ZFPM2: variants seen among roughly 807,000 people sequenced by gnomAD.
ZFPM2 encodes the protein zinc finger protein ZFPM2.
ZFPM2 carries 20 observed loss-of-function variants against 98.6 expected under a neutral mutation model. The observed-to-expected ratio is 0.20, with a 90% CI of 0.14 to 0.29. ZFPM2 has a LOEUF of 0.29. ZFPM2 is among the 10% of genes least tolerant of loss of function. The probability of loss-of-function intolerance (pLI) is 1.00; values close to 1 mark genes in which losing one functional copy is unlikely to be tolerated. For synonymous variants in ZFPM2, 518 were observed against 502.7 expected (o/e 1.03, Z -0.41); for missense variants, 1,310 against 1,388.6 (o/e 0.94, Z 0.90).
At chr8:105,681,393 A>G (rs954341002) in intron 5 of ZFPM2, among the ~76,000 whole-genome samples, 2 of 152,180 alleles carry the variant, frequency 1.3e-5, no homozygotes, top group African/African-American at 4.8e-5. Flanking sequence ...TTCTGATGAC[A>G]TTCTTTGTAG....
chr8:105,514,000 T>G (rs1301392482), intron 3 of ZFPM2, among the ~76,000 whole-genome samples: 1 of 123,164 alleles, frequency 8.1e-6, no homozygotes, highest in African/African-American at 4.5e-5. Flanking sequence ...AGGTCCGGAG[T>G]GTCTTTTTTT....
intron 5 of ZFPM2, among the ~76,000 whole-genome samples, chr8:105,714,398 A>G (rs189161666): frequency 2.0e-5 from 3 of 152,144 alleles, no homozygotes; most frequent in East Asian, 1.9e-4. Context: ...GCATAGAATC[A>G]TATCCTCCAC....
intron 1 of ZFPM2, among the ~76,000 whole-genome samples, chr8:105,357,542 A>G (rs1304295503): frequency 6.6e-6 from 1 of 152,240 alleles, no homozygotes; most frequent in Non-Finnish European, 1.5e-5. Context: ...ATAACTAGCT[A>G]CAGAGATGAA....
At chr8:105,621,288 A>T (rs559294876) in intron 4 of ZFPM2, among the ~76,000 whole-genome samples, 1 of 152,274 alleles carries the variant, frequency 6.6e-6, no homozygotes, top group African/African-American at 2.4e-5. Flanking sequence ...TCTTTGAAGC[A>T]ATTGTGAATG....
At chr8:105,393,336 G>A (rs1354910338) in intron 1 of ZFPM2, among the ~76,000 whole-genome samples, 5 of 34,156 alleles carry the variant, frequency 1.5e-4, no homozygotes, top group Admixed American at 3.4e-4. Context: ...CTCTCTCTTT[G>A]CCTTTCTTTC....
rs1454223470 is a variant in ZFPM2 at position 105,748,467 on chromosome 8, C to A, written c.533-40251C>A. On this transcript the variant is annotated intron_variant, in intron 5 of 7. Coordinates refer to ENST00000407775, the MANE Select transcript of ZFPM2 (RefSeq NM_012082.4). ...GTAAACCGTAAATGAAGCATGTATACATTTGCATTCCCTGTGCCTAAAATT... is the reference window on the plus strand; with the variant it reads ...GTAAACCGTAAATGAAGCATGTATAAATTTGCATTCCCTGTGCCTAAAATT... Among the ~76,000 whole-genome samples, 3 of 152,012 alleles carry A rather than the reference C, an allele frequency of 2.0e-5. No individual in the cohort carries two copies. The East Asian group carries it at 5.8e-4, about 29-fold the overall frequency.
chr8:105,384,111 C>T (rs1373455649), intron 1 of ZFPM2, among the ~76,000 whole-genome samples: 1 of 152,152 alleles, frequency 6.6e-6, no homozygotes, highest in African/African-American at 2.4e-5. Flanking sequence ...ACTGTAGACA[C>T]AATCCCGTGG....
intron 4 of ZFPM2, among the ~76,000 whole-genome samples, chr8:105,594,272 C>T (rs1815915865): frequency 6.6e-6 from 1 of 152,038 alleles, no homozygotes; most frequent in Admixed American, 6.6e-5. Flanking sequence ...CGTGTTGTCC[C>T]AGTAGCTCAA....
rs549937007 is a variant in ZFPM2 at position 105,419,274 on chromosome 8, C to T, written c.171C>T (p.Cys57=). The T allele has an allele frequency of 1.7e-5, 27 of 1,613,164 alleles. No individual in the cohort carries two copies. The highest frequency in any genetic ancestry group is 4.5e-5 in the East Asian group (2 of 44,810). ...STEFGPENLS[C]EEVEYFCNKG... is the part of the protein sequence containing the mutation. ...AATTTGGGCCTGAAAATCTGAGCTGCGAAGAAGTGGAATACTTTTGTAACA... is the reference window on the plus strand; with the variant it reads ...AATTTGGGCCTGAAAATCTGAGCTGTGAAGAAGTGGAATACTTTTGTAACA... The change falls in exon 2 of 8, where the codon TGC becomes TGT. Residue 57 remains cysteine (C), a synonymous_variant. Transcript: ENST00000407775.
At chr8:105,607,563 G>A (rs1816221217) in intron 4 of ZFPM2, among the ~76,000 whole-genome samples, 1 of 152,028 alleles carries the variant, frequency 6.6e-6, no homozygotes, top group Admixed American at 6.6e-5. Flanking sequence ...GTGGCAAGAA[G>A]TATAACTCCA....
At chr8:105,668,486 G>C (rs1384129091) in intron 5 of ZFPM2, among the ~76,000 whole-genome samples, 1 of 151,906 alleles carries the variant, frequency 6.6e-6, no homozygotes, top group African/African-American at 2.4e-5. Context: ...GGCAGTAGAA[G>C]TATCCCTTTC....
chr8:105,743,878 A>G lies in ZFPM2; in HGVS notation c.533-44840A>G, dbSNP rs145244454. Among the ~76,000 whole-genome samples the G allele has an allele frequency of 1.6e-4, 25 of 152,234 alleles. No individual in the cohort carries two copies. In the East Asian group the frequency reaches 4.7e-3, roughly 28 times the overall value. On this transcript the variant is annotated intron_variant, in intron 5 of 7. Coordinates refer to ENST00000407775, the MANE Select transcript of ZFPM2 (RefSeq NM_012082.4). ...CCATCAGCCTAGGTGTCACGTGTTCATAGATTTCTCTTATCACTCTTTATT... is the reference window on the plus strand; with the variant it reads ...CCATCAGCCTAGGTGTCACGTGTTCGTAGATTTCTCTTATCACTCTTTATT...
chr8:105,562,512 G>T (rs1238502250), intron 4 of ZFPM2, among the ~76,000 whole-genome samples: 2 of 152,060 alleles, frequency 1.3e-5, no homozygotes, highest in Non-Finnish European at 2.9e-5. Context: ...TCCAAATTGG[G>T]TGTCACTGGG....
chr8:105,593,453 A>C (rs1009722169), intron 4 of ZFPM2, among the ~76,000 whole-genome samples: 2 of 152,138 alleles, frequency 1.3e-5, no homozygotes, highest in African/African-American at 4.8e-5. Context: ...GAAATTATGC[A>C]GCAGTTATAA....
intron 5 of ZFPM2, among the ~76,000 whole-genome samples, chr8:105,706,910 G>A (rs1226520512): frequency 2.6e-5 from 4 of 151,930 alleles, no homozygotes; most frequent in African/African-American, 7.2e-5. Context: ...ATTTAATAAT[G>A]GTTTCTTATG....
intron 3 of ZFPM2, among the ~76,000 whole-genome samples, chr8:105,446,584 G>C (rs1157387492): frequency 6.6e-6 from 1 of 152,090 alleles, no homozygotes; most frequent in African/African-American, 2.4e-5. Context: ...TCAAAATGAA[G>C]AATTTTCCAT....
chr8:105,402,429 A>AT (rs1315561444), intron 1 of ZFPM2, among the ~76,000 whole-genome samples: 1 of 152,012 alleles, frequency 6.6e-6, no homozygotes, highest in Non-Finnish European at 1.5e-5. Context: ...CAGGAATCCT[A>AT]TTCAATGGTA....
chr8:105,321,322 A>G (rs1325815148), intron 1 of ZFPM2, among the ~76,000 whole-genome samples: 4 of 152,206 alleles, frequency 2.6e-5, no homozygotes, highest in Admixed American at 6.5e-5. Flanking sequence ...TAAGAAGTGC[A>G]CCATTTTCTA....
At chr8:105,680,650 G>A (rs1810579645) in intron 5 of ZFPM2, among the ~76,000 whole-genome samples, 2 of 152,074 alleles carry the variant, frequency 1.3e-5, no homozygotes, top group African/African-American at 4.8e-5. Flanking sequence ...TTCATGGTCA[G>A]TCAGTGATAT....
Sources: gnomAD v4.1 joint callset for allele counts (sites outside exome capture counted in the v4.1 genomes callset) on GRCh38, gnomAD v4.1.1 for gene constraint, MANE v1.5 for transcripts, NCBI Gene and HGNC (gene_info 2026-07-23, HGNC 2026-07-21) for gene names.